The following RABGAP1L variants were observed in gnomAD, a reference collection of about 807,000 sequenced individuals.
The protein encoded by RABGAP1L is RAB GTPase activating protein 1 like, also known as rab GTPase-activating protein 1-like.
Under a neutral mutation model 137.7 loss-of-function variants are expected in RABGAP1L, and 63 were observed. The ratio of observed to expected loss-of-function variants is 0.46; its 90% CI spans 0.37 to 0.56. RABGAP1L has a LOEUF of 0.56. Ranked by LOEUF, RABGAP1L falls within the 20% of genes least tolerant of loss-of-function variation. RABGAP1L has a pLI of 0.00. For synonymous variants in RABGAP1L, 431 were observed against 433.7 expected (o/e 0.99, Z 0.08); for missense variants, 1,095 against 1,244.0 (o/e 0.88, Z 1.80).
intron 19 of RABGAP1L, among the ~76,000 whole-genome samples, chr1:174,891,181 A>G (rs1656077848): frequency 6.6e-6 from 1 of 152,190 alleles, no homozygotes; most frequent in African/African-American, 2.4e-5. Flanking sequence ...TTGTCAGGGG[A>G]CGGGAAAGAT....
chr1:174,412,456 A>G (rs894124504), intron 13 of RABGAP1L, among the ~76,000 whole-genome samples: 35 of 152,120 alleles, frequency 2.3e-4, no homozygotes, highest in African/African-American at 8.0e-4. Context: ...TTGACCATTT[A>G]CATTCAACAT....
intron 18 of RABGAP1L, among the ~76,000 whole-genome samples, chr1:174,792,560 AG>A (rs751385467): frequency 6.6e-6 from 1 of 152,254 alleles, no homozygotes; most frequent in Non-Finnish European, 1.5e-5. Context: ...CAAAGGGAAC[AG>A]GAGGAAATTT....
intron 13 of RABGAP1L, among the ~76,000 whole-genome samples, chr1:174,419,989 T>G (rs1651064811): frequency 6.6e-6 from 1 of 152,196 alleles, no homozygotes; most frequent in African/African-American, 2.4e-5. Flanking sequence ...TCCATGAATC[T>G]TCATTCTTAT....
At chr1:174,930,156 G>C (rs1663546431) in intron 19 of RABGAP1L, among the ~76,000 whole-genome samples, 1 of 151,636 alleles carries the variant, frequency 6.6e-6, no homozygotes, top group Non-Finnish European at 1.5e-5. Context: ...GCTGCTAAAA[G>C]TAATTTCTTT....
intron 13 of RABGAP1L, among the ~76,000 whole-genome samples, chr1:174,565,101 G>T (rs2148030192): frequency 6.6e-6 from 1 of 152,270 alleles, no homozygotes; most frequent in East Asian, 1.9e-4. Flanking sequence ...GTCACATTTA[G>T]TGAGGGATTC....
chr1:174,491,146 T>C (rs1321072438), intron 13 of RABGAP1L, among the ~76,000 whole-genome samples: 1 of 152,024 alleles, frequency 6.6e-6, no homozygotes. Context: ...ATGGAGTCTG[T>C]CATCATAGCT....
chr1:174,944,959 C>A (rs149471541), intron 19 of RABGAP1L, among the ~76,000 whole-genome samples: 1 of 152,132 alleles, frequency 6.6e-6, no homozygotes, highest in African/African-American at 2.4e-5. Flanking sequence ...TTGCCAGCGA[C>A]AATTGACATA....
In RABGAP1L at chr1:174,416,672, A is replaced by G. The variant is rs936462322; in HGVS notation, c.1710+22527A>G. ...ACAAACGTGTTTGTCATGCAAGATG[A>G]AAATTTAAAAATCTAACCATTACTG... On this transcript the variant is annotated intron_variant, in intron 13 of 25. Coordinates refer to ENST00000681986, the MANE Select transcript of RABGAP1L (RefSeq NM_001366446.1). Among the ~76,000 whole-genome samples the G allele has an allele frequency of 9.2e-5, 14 of 152,118 alleles. No homozygotes were observed. The East Asian group carries it at 2.5e-3, about 27-fold the overall frequency.
intron 14 of RABGAP1L, among the ~76,000 whole-genome samples, chr1:174,676,894 A>G (rs1304582340): frequency 6.6e-6 from 1 of 152,140 alleles, no homozygotes; most frequent in East Asian, 1.9e-4. Flanking sequence ...CAAAAAATTT[A>G]TGATAGCTTA....
rs78463631 is a variant in RABGAP1L at position 174,185,196 on chromosome 1, C to T, written c.-34+25539C>T. ...ACAGTATCTGCAAAATATGGGGACA[C>T]CTTAAGATGCCTTATAATCTTTTAG... On this transcript the variant is annotated intron_variant, in intron 1 of 25. Transcript: ENST00000681986. Among the ~76,000 whole-genome samples, 694 of 152,250 alleles carry T rather than the reference C, an allele frequency of 4.6e-3. 5 individuals are homozygous for T. Among genetic ancestry groups the T allele is most frequent in the Non-Finnish European group, 8.0e-3 (547 of 68,016 alleles).
intron 18 of RABGAP1L, among the ~76,000 whole-genome samples, chr1:174,788,541 T>G (rs1200113807): frequency 3.9e-5 from 6 of 152,364 alleles, no homozygotes; most frequent in African/African-American, 1.4e-4. Context: ...TTCTGACTTG[T>G]CTACCTTCAG....
intron 13 of RABGAP1L, among the ~76,000 whole-genome samples, chr1:174,421,373 C>T (rs1305599034): frequency 6.6e-6 from 1 of 152,168 alleles, no homozygotes. Flanking sequence ...CACTCCTTCC[C>T]TATAGCCTGT....
intron 11 of RABGAP1L, among the ~76,000 whole-genome samples, chr1:174,351,720 G>C (rs2148932237): frequency 6.6e-6 from 1 of 152,002 alleles, no homozygotes; most frequent in South Asian, 2.1e-4. Flanking sequence ...AAATCTGCTT[G>C]GTGTTCTATA....
intron 15 of RABGAP1L, among the ~76,000 whole-genome samples, chr1:174,697,565 C>T (rs551450639): frequency 6.6e-6 from 1 of 152,286 alleles, no homozygotes; most frequent in East Asian, 1.9e-4. Flanking sequence ...GTAATCCACC[C>T]ACCTTGGCAT....
At chr1:174,350,539 T>C (rs1413691487) in intron 11 of RABGAP1L, among the ~76,000 whole-genome samples, 11 of 132,492 alleles carry the variant, frequency 8.3e-5, no homozygotes, top group East Asian at 4.9e-4. Context: ...TGATGGCGGC[T>C]GGGAAGAGGC....
In RABGAP1L at chr1:174,327,984, C is replaced by CATATATAT. The variant is rs1314813386; in HGVS notation, c.1465+22858_1465+22859insTATATATA. ...ATATATATATATATATATATACACA[C>CATATATAT]ACATATATATATATATATATATATA... On this transcript the variant is annotated intron_variant, in intron 11 of 25. Coordinates refer to ENST00000681986, the MANE Select transcript of RABGAP1L (RefSeq NM_001366446.1). Among the ~76,000 whole-genome samples the CATATATAT allele has an allele frequency of 1.6e-3, 59 of 37,824 alleles. 1 individual carries two copies. Among genetic ancestry groups the CATATATAT allele is most frequent in the Middle Eastern group, 0.013 (1 of 80 alleles). The allele number at this position is 37,824 out of a possible 152,430, so 24.8% of individuals were successfully genotyped here.
chr1:174,763,072 C>T (rs1444848571), intron 18 of RABGAP1L, among the ~76,000 whole-genome samples: 1 of 151,826 alleles, frequency 6.6e-6, no homozygotes, highest in Non-Finnish European at 1.5e-5. Context: ...GCCTTGGCCT[C>T]CCAAAGCGCT....
intron 14 of RABGAP1L, among the ~76,000 whole-genome samples, chr1:174,645,234 T>G: frequency 6.6e-6 from 1 of 152,102 alleles, no homozygotes; most frequent in East Asian, 1.9e-4. Context: ...AGATTATGTA[T>G]TATATATATC....
intron 13 of RABGAP1L, among the ~76,000 whole-genome samples, chr1:174,480,507 A>G (rs1237799095): frequency 6.6e-6 from 1 of 152,220 alleles, no homozygotes; most frequent in South Asian, 2.1e-4. Context: ...GAAGCCTGGG[A>G]TTAGTGAGCT....
Sources: gnomAD v4.1 joint callset for allele counts (sites outside exome capture counted in the v4.1 genomes callset) on GRCh38, gnomAD v4.1.1 for gene constraint, MANE v1.5 for transcripts, NCBI Gene and HGNC (gene_info 2026-07-23, HGNC 2026-07-21) for gene names.